The following ATL1 variants were observed in gnomAD, a reference collection of about 807,000 sequenced individuals.
ATL1 encodes the protein atlastin GTPase 1.
In ATL1, 31 loss-of-function variants were observed where a neutral mutation model predicts 75.5. The ratio of observed to expected loss-of-function variants is 0.41; its 90% CI spans 0.31 to 0.55. The LOEUF (loss-of-function observed/expected upper bound fraction) is 0.55. Ranked by LOEUF, ATL1 falls within the 20% of genes least tolerant of loss-of-function variation. ATL1 has a pLI of 0.27. For missense variants in ATL1, 405 were observed against 662.6 expected (o/e 0.61, Z 4.27); for synonymous variants, 226 against 233.3 (o/e 0.97, Z 0.28).
At chr14:50,598,139 T>C (rs950091846) in intron 6 of ATL1, among the ~76,000 whole-genome samples, 1 of 151,968 alleles carries the variant, frequency 6.6e-6, no homozygotes, top group Non-Finnish European at 1.5e-5. Context: ...AATTCAAAGG[T>C]CTATTAAAGA....
intron 9 of ATL1, 24 bp from the exon 10 acceptor site, chr14:50,621,819 A>G: frequency 6.8e-7 from 1 of 1,464,128 alleles, no homozygotes; most frequent in African/African-American, 1.4e-5. Flanking sequence ...TTGCTTGAAC[A>G]TGAATCTTTT....
At chr14:50,612,320 T>C (rs1255588434) in intron 6 of ATL1, among the ~76,000 whole-genome samples, 6 of 152,132 alleles carry the variant, frequency 3.9e-5, no homozygotes. Context: ...TTTCTTGATC[T>C]AGGTGCTAGT....
intron 1 of ATL1, among the ~76,000 whole-genome samples, chr14:50,534,921 A>G (rs1396453029): frequency 1.3e-5 from 2 of 152,250 alleles, no homozygotes; most frequent in African/African-American, 4.8e-5. Flanking sequence ...CTAGACAATT[A>G]AGCAAACAAT....
At chr14:50,542,807 T>C (rs2038582958) in intron 1 of ATL1, among the ~76,000 whole-genome samples, 1 of 152,196 alleles carries the variant, frequency 6.6e-6, no homozygotes, top group Non-Finnish European at 1.5e-5. Context: ...GGGGTGGCCC[T>C]GAAAGATAGG....
intron 1 of ATL1, among the ~76,000 whole-genome samples, chr14:50,551,620 A>G (rs1027354722): frequency 6.6e-6 from 1 of 152,176 alleles, no homozygotes; most frequent in African/African-American, 2.4e-5. Context: ...GATGCAAAAA[A>G]TTGTAACAAA....
At chr14:50,592,631 G>A (rs2039169796) in intron 4 of ATL1, among the ~76,000 whole-genome samples, 1 of 151,772 alleles carries the variant, frequency 6.6e-6, no homozygotes, top group Non-Finnish European at 1.5e-5. Context: ...ATATATATTG[G>A]CCAGGCACGG....
At chr14:50,566,311 C>T (rs1048936393) in intron 1 of ATL1, among the ~76,000 whole-genome samples, 2 of 152,134 alleles carry the variant, frequency 1.3e-5, no homozygotes, top group Non-Finnish European at 2.9e-5. Context: ...ACAACCTGTT[C>T]TTACCCTCTC....
At chr14:50,624,361 T>A (rs1252370338) in intron 11 of ATL1, among the ~76,000 whole-genome samples, 1 of 152,060 alleles carries the variant, frequency 6.6e-6, no homozygotes, top group African/African-American at 2.4e-5. Flanking sequence ...TTTCAAACTT[T>A]TTCATTATTA....
chr14:50,618,060 A>G (rs2039431253), intron 8 of ATL1, among the ~76,000 whole-genome samples: 1 of 152,204 alleles, frequency 6.6e-6, no homozygotes, highest in Non-Finnish European at 1.5e-5. Flanking sequence ...ATTAACACAC[A>G]GTCGTATCTT....
At chr14:50,588,973 T>C (rs1194144655) in intron 2 of ATL1, among the ~76,000 whole-genome samples, 2 of 152,170 alleles carry the variant, frequency 1.3e-5, no homozygotes, top group African/African-American at 4.8e-5. Context: ...ATTTATTGAC[T>C]ACCTGCTAAA....
chr14:50,620,615 C>T lies in ATL1; in HGVS notation c.879C>T (p.Phe293=), dbSNP rs745748043. The T allele has an allele frequency of 9.3e-6, 15 of 1,612,770 alleles. No homozygotes were observed. The highest frequency in any genetic ancestry group is 2.7e-5 in the African/African-American group (2 of 74,818). Residue 293 remains phenylalanine, a synonymous_variant, in exon 9 of 14, where the codon TTC becomes TTT. Coordinates refer to ENST00000358385, the MANE Select transcript of ATL1 (RefSeq NM_015915.5). ...TACTTGTAGAAATAGATGATGAATT[C>T]ATCAAAAACTTGAAAATACTGATTC... is the stretch of plus-strand genomic sequence containing the variant. ...DGKLKEIDDE[F]IKNLKILIPW...
At chr14:50,544,350 AGTGGCTAT>A (rs1389015446) in intron 1 of ATL1, among the ~76,000 whole-genome samples, 2 of 152,192 alleles carry the variant, frequency 1.3e-5, no homozygotes, top group African/African-American at 2.4e-5. Flanking sequence ...ACCTCTTCCA[AGTGGCTAT>A]GTCCATCAGG....
chr14:50,569,409 A>G, intron 1 of ATL1, among the ~76,000 whole-genome samples: 1 of 144,510 alleles, frequency 6.9e-6, no homozygotes, highest in Non-Finnish European at 1.5e-5. Flanking sequence ...ACAGAGAAAG[A>G]CTCTGTCTCA....
chr14:50,600,270 A>G (rs1350037323), intron 6 of ATL1, among the ~76,000 whole-genome samples: 4 of 151,910 alleles, frequency 2.6e-5, no homozygotes, highest in Admixed American at 1.3e-4. Context: ...AAAAAAAAAA[A>G]AGAGTTGAAA....
chr14:50,591,434 G>T, intron 3 of ATL1, 101 bp from the exon 4 acceptor site: 1 of 783,580 alleles, frequency 1.3e-6, no homozygotes, highest in Non-Finnish European at 2.2e-6. Context: ...AAATAGTATT[G>T]ATTAATAATG....
intron 11 of ATL1, among the ~76,000 whole-genome samples, chr14:50,626,125 T>C (rs1003365313): frequency 6.6e-6 from 1 of 152,342 alleles, no homozygotes; most frequent in African/African-American, 2.4e-5. Context: ...TTTAAGGAAA[T>C]TAATGTTTTC....
At chr14:50,591,686 T>A (rs2039160197) in intron 4 of ATL1, 47 bp downstream of exon 4, 2 of 1,299,974 alleles carry the variant, frequency 1.5e-6, no homozygotes, top group African/African-American at 2.9e-5. Context: ...CTAAAAATTA[T>A]GAGTATATGT....
chr14:50,605,997 A>C (rs1050304654), intron 6 of ATL1, among the ~76,000 whole-genome samples: 2 of 151,998 alleles, frequency 1.3e-5, no homozygotes, highest in African/African-American at 4.8e-5. Flanking sequence ...AAAATTTCCG[A>C]GGAAAAAGTA....
intron 1 of ATL1, among the ~76,000 whole-genome samples, chr14:50,584,633 C>G (rs1008184536): frequency 2.0e-5 from 3 of 151,844 alleles, no homozygotes; most frequent in Non-Finnish European, 4.4e-5. Context: ...GGCGTGAACC[C>G]GGGAGGCGGA....
Sources: gnomAD v4.1 joint callset for allele counts (sites outside exome capture counted in the v4.1 genomes callset) on GRCh38, gnomAD v4.1.1 for gene constraint, MANE v1.5 for transcripts, NCBI Gene and HGNC (gene_info 2026-07-23, HGNC 2026-07-21) for gene names.